The following UPF2 variants were observed in gnomAD, a reference collection of about 807,000 sequenced individuals.
UPF2 encodes UPF2 regulator of nonsense mediated mRNA decay.
Under a neutral mutation model 141.4 loss-of-function variants are expected in UPF2, and 17 were observed. That is an observed-to-expected ratio of 0.12 (90% CI 0.08 to 0.18). UPF2 has a LOEUF of 0.18. Ranked by LOEUF, UPF2 falls within the 10% of genes least tolerant of loss-of-function variation. The pLI, the probability that UPF2 is intolerant of heterozygous loss-of-function variation, is 1.00. For synonymous variants in UPF2, 540 were observed against 498.0 expected (o/e 1.08, Z -1.12); for missense variants, 1,152 against 1,515.9 (o/e 0.76, Z 3.99).
At position 12,038,359 on chromosome 10, in the gene UPF2, G is replaced by A. The variant is rs187134798; in HGVS notation, c.-18-2918C>T. Among the ~76,000 whole-genome samples the A allele has an allele frequency of 6.4e-3, 908 of 141,770 alleles. 8 individuals are homozygous for A. Among genetic ancestry groups the A allele is most frequent in the African/African-American group, 0.022 (842 of 37,928 alleles). 93.0% of individuals were successfully genotyped at this position (141,770 alleles called of 152,430 possible). A position where few individuals can be genotyped will look rare whatever the true frequency, so the allele number is the denominator to read the frequency against. ...CATGCCACTGCACTCCAGCATGGGCGACAGAGTGAGACTCCATCTCACACA... is the reference window on the plus strand; with the variant it reads ...CATGCCACTGCACTCCAGCATGGGCAACAGAGTGAGACTCCATCTCACACA... On this transcript the variant is annotated intron_variant, in intron 1 of 21. Coordinates refer to ENST00000357604, the MANE Select transcript of UPF2 (RefSeq NM_015542.4).
intron 15 of UPF2, 63 bp downstream of exon 15, chr10:11,952,003 G>A (rs1344906203): frequency 6.5e-7 from 1 of 1,537,654 alleles, no homozygotes; most frequent in South Asian, 1.1e-5. Flanking sequence ...ACATTATAAA[G>A]CAAATTCCAG....
At chr10:11,982,772 C>A (rs1833620572) in intron 8 of UPF2, among the ~76,000 whole-genome samples, 1 of 152,130 alleles carries the variant, frequency 6.6e-6, no homozygotes. Flanking sequence ...AGGCATGCAC[C>A]ACCACACCCA....
chr10:11,943,920 G>C (rs756796116), intron 16 of UPF2, among the ~76,000 whole-genome samples: 4 of 149,776 alleles, frequency 2.7e-5, no homozygotes, highest in Non-Finnish European at 5.9e-5. Context: ...AGGGCACAAA[G>C]CACAGAGTGG....
At chr10:11,924,467 C>A (rs1226924665) in intron 21 of UPF2, among the ~76,000 whole-genome samples, 1 of 152,120 alleles carries the variant, frequency 6.6e-6, no homozygotes, top group East Asian at 1.9e-4. Flanking sequence ...GTAATCCCAG[C>A]CACTCGGGAG....
At position 11,921,059 on chromosome 10, in the gene UPF2, C is replaced by T; in HGVS notation, c.*239G>A. 1.3e-6 allele frequency: 1 copy of T among 741,022 alleles called. No individual in the cohort carries two copies. 45.9% of individuals were successfully genotyped at this position (741,022 alleles called of 1,614,324 possible). A position where few individuals can be genotyped will look rare whatever the true frequency, so the allele number is the denominator to read the frequency against. On this transcript the variant is annotated 3_prime_UTR_variant, in exon 22 of 22. Coordinates refer to ENST00000357604, the MANE Select transcript of UPF2 (RefSeq NM_015542.4). The surrounding 1 kb of genome is among the most constrained non-coding windows in gnomAD (Gnocchi z 5.9). ...ACTGCCATTCTCAAGAGAAGATTAA[C>T]CCTCGCGAGATTTCCATTACAAAAG...
At chr10:11,952,885 A>G (rs1206501909) in intron 14 of UPF2, among the ~76,000 whole-genome samples, 1 of 152,166 alleles carries the variant, frequency 6.6e-6, no homozygotes, top group Non-Finnish European at 1.5e-5. Context: ...GATTTCCTAT[A>G]TTTAATTTTA....
chr10:12,000,047 AAGAG>A, intron 6 of UPF2, 38 bp from the exon 7 acceptor site: 1 of 1,495,218 alleles, frequency 6.7e-7, no homozygotes, highest in Non-Finnish European at 9.1e-7. Flanking sequence ...TTAAAAAAAA[AAGAG>A]AACACAGAAT....
At chr10:11,947,317 T>C (rs920385546) in intron 16 of UPF2, among the ~76,000 whole-genome samples, 2 of 152,152 alleles carry the variant, frequency 1.3e-5, no homozygotes, top group Non-Finnish European at 2.9e-5. Context: ...TTAATAGTCA[T>C]AGATACAAAA....
rs1267437535 is a variant in UPF2, at chr10:11,955,451, T to G, written c.2631A>C (p.Glu877Asp). ...RRISSAKFLGELYNYRMVESA... is the reference protein window; with the variant it reads ...RRISSAKFLGDLYNYRMVESA... ...ATTCCACCATTCGGTAATTGTAAAG[T>G]TCTCCTAAGAACTTGGCACTGCTGA... Residue 877 changes from glutamate to aspartate, a missense_variant, in exon 14 of 22, where the codon GAA becomes GAC. This residue lies in a region of UPF2 where 739 missense variants were observed against 1,032.2 expected (regional missense o/e 0.72). Coordinates refer to ENST00000357604, the MANE Select transcript of UPF2 (RefSeq NM_015542.4). 6.2e-7 allele frequency: 1 copy of G among 1,614,078 alleles called. No individual in the cohort carries two copies. The highest frequency in any genetic ancestry group is 8.5e-7 in the Non-Finnish European group (1 of 1,180,032).
chr10:12,008,300 A>G (rs1170778790), intron 4 of UPF2, among the ~76,000 whole-genome samples: 2 of 152,154 alleles, frequency 1.3e-5, no homozygotes, highest in African/African-American at 4.8e-5. Flanking sequence ...TCAAATTTAA[A>G]AATTAAGAAC....
At chr10:11,999,235 C>T (rs1052464693) in intron 7 of UPF2, among the ~76,000 whole-genome samples, 11 of 151,956 alleles carry the variant, frequency 7.2e-5, no homozygotes, top group African/African-American at 2.7e-4. Flanking sequence ...AAACATCGGC[C>T]GGGTATGGTG....
intron 4 of UPF2, among the ~76,000 whole-genome samples, chr10:12,007,470 T>C (rs1834052725): frequency 6.6e-6 from 1 of 151,976 alleles, no homozygotes; most frequent in African/African-American, 2.4e-5. Context: ...TAATAAAAAA[T>C]AGGAATATCA....
intron 8 of UPF2, among the ~76,000 whole-genome samples, chr10:11,982,562 C>A (rs1447078287): frequency 1.3e-5 from 2 of 152,318 alleles, no homozygotes; most frequent in East Asian, 1.9e-4. Flanking sequence ...CCTGTTTTGA[C>A]CCGTTCCGAA....
chr10:11,930,052 A>G, intron 20 of UPF2, 67 bp from the exon 21 acceptor site: 1 of 1,601,026 alleles, frequency 6.2e-7, no homozygotes, highest in South Asian at 1.1e-5. Flanking sequence ...TACAGAGTGA[A>G]CGAAATGTTG....
At chr10:11,942,168 G>A (rs1385610460) in intron 18 of UPF2, among the ~76,000 whole-genome samples, 1 of 152,166 alleles carries the variant, frequency 6.6e-6, no homozygotes, top group African/African-American at 2.4e-5. Flanking sequence ...GAGGTCAGGA[G>A]GTCGAGACCA....
At chr10:12,002,794 T>G (rs200792638) in intron 5 of UPF2, among the ~76,000 whole-genome samples, 1 of 152,212 alleles carries the variant, frequency 6.6e-6, no homozygotes, top group African/African-American at 2.4e-5. Flanking sequence ...AGTTGAGTGA[T>G]AGGTAAATCC....
At chr10:11,991,372 T>A (rs2131250245) in intron 8 of UPF2, among the ~76,000 whole-genome samples, 1 of 152,250 alleles carries the variant, frequency 6.6e-6, no homozygotes, top group African/African-American at 2.4e-5. Context: ...ACAGTCAACA[T>A]ATGCATCATT....
At position 11,985,884 on chromosome 10, in the gene UPF2, C is replaced by CTTTTTTTTTTTTTTTTT. The variant is rs746117868; in HGVS notation, c.1845-6720_1845-6719insAAAAAAAAAAAAAAAAA. 2.8e-4 allele frequency among the ~76,000 whole-genome samples: 28 copies of CTTTTTTTTTTTTTTTTT among 100,718 alleles called. 2 individuals carry two copies. The highest frequency in any genetic ancestry group is 5.5e-4 in the African/African-American group (13 of 23,646). 66.1% of individuals were successfully genotyped at this position (100,718 alleles called of 152,430 possible). A position where few individuals can be genotyped will look rare whatever the true frequency, so the allele number is the denominator to read the frequency against. ...CAACTGAAAAATAATTAGATCCTTC[C>CTTTTTTTTTTTTTTTTT]TTTTTTTTTTTTTTTTGTGAGACGG... On this transcript the variant is annotated intron_variant, in intron 8 of 21. Coordinates refer to ENST00000357604, the MANE Select transcript of UPF2 (RefSeq NM_015542.4).
intron 16 of UPF2, among the ~76,000 whole-genome samples, chr10:11,944,496 A>AC (rs1472762589): frequency 1.3e-5 from 2 of 152,092 alleles, no homozygotes; most frequent in Non-Finnish European, 2.9e-5. Flanking sequence ...TCCATCCCCC[A>AC]CCAAAAAGAA....
Sources: gnomAD v4.1 joint callset for allele counts (sites outside exome capture counted in the v4.1 genomes callset) on GRCh38, gnomAD v4.1.1 for gene constraint, gnomAD v4.1.1 regional missense constraint, Gnocchi (gnomAD v3.1) non-coding constraint, MANE v1.5 for transcripts, NCBI Gene and HGNC (gene_info 2026-07-23, HGNC 2026-07-21) for gene names.